The following SCHIP1 variants were observed in gnomAD, a reference collection of about 807,000 sequenced individuals.
The protein encoded by SCHIP1 is schwannomin interacting protein 1, also known as schwannomin-interacting protein 1.
In SCHIP1, 8 loss-of-function variants were observed where a neutral mutation model predicts 29.7. That is an observed-to-expected ratio of 0.27 (90% CI 0.16 to 0.49). The LOEUF is 0.49. Among genes scored for constraint, SCHIP1 ranks in the 20% least tolerant of loss-of-function variants. The pLI, the probability that SCHIP1 is intolerant of heterozygous loss-of-function variation, is 0.99. For missense variants in SCHIP1, 193 were observed against 294.6 expected, an observed-to-expected ratio of 0.66 and a Z score of 2.52; for synonymous variants, 76 against 94.9, an observed-to-expected ratio of 0.80 and a Z score of 1.16.
At chr3:159,762,399 C>T in the SCHIP1 span, among the ~76,000 whole-genome samples, 1 of 152,288 alleles carries the variant, frequency 6.6e-6, no homozygotes, top group East Asian at 1.9e-4. Flanking sequence ...GATCTCAGCA[C>T]CACATCCCAC....
the SCHIP1 span, among the ~76,000 whole-genome samples, chr3:159,568,532 TAC>T: frequency 6.6e-6 from 1 of 152,156 alleles, no homozygotes; most frequent in Non-Finnish European, 1.5e-5. Flanking sequence ...GAGATGCTCA[TAC>T]AGTCTTACTT....
the SCHIP1 span, among the ~76,000 whole-genome samples, chr3:159,402,813 G>A: frequency 6.6e-6 from 1 of 152,040 alleles, no homozygotes; most frequent in South Asian, 2.1e-4. Context: ...GATAGCATTA[G>A]GAGATATACC....
chr3:159,418,410 C>T, the SCHIP1 span, among the ~76,000 whole-genome samples: 1 of 152,188 alleles, frequency 6.6e-6, no homozygotes, highest in Non-Finnish European at 1.5e-5. Context: ...TCAAATTTTG[C>T]TAACTATTGT....
the SCHIP1 span, among the ~76,000 whole-genome samples, chr3:159,622,462 A>T: frequency 6.6e-6 from 1 of 152,200 alleles, no homozygotes; most frequent in Non-Finnish European, 1.5e-5. Context: ...GCTTTATTTC[A>T]TGGAGTAATA....
intron 1 of SCHIP1, among the ~76,000 whole-genome samples, chr3:159,847,255 G>A (rs1319771239): frequency 6.6e-6 from 1 of 152,070 alleles, no homozygotes; most frequent in Non-Finnish European, 1.5e-5. Flanking sequence ...CATACATAAC[G>A]CACAAATATA....
chr3:159,595,162 T>A, the SCHIP1 span, among the ~76,000 whole-genome samples: 1 of 152,116 alleles, frequency 6.6e-6, no homozygotes, highest in African/African-American at 2.4e-5. Flanking sequence ...CACTGCTGAT[T>A]ATATGTGCTT....
At chr3:159,381,493 A>G in the SCHIP1 span, among the ~76,000 whole-genome samples, 1 of 152,322 alleles carries the variant, frequency 6.6e-6, no homozygotes, top group South Asian at 2.1e-4. Context: ...AATCCATCCA[A>G]AAACCCTTGA....
At chr3:159,825,355 A>G in the SCHIP1 span, among the ~76,000 whole-genome samples, 2 of 152,190 alleles carry the variant, frequency 1.3e-5, no homozygotes, top group African/African-American at 4.8e-5. Context: ...ACATCTGCAG[A>G]GTGAGTGGGC....
chr3:159,316,845 G>A, the SCHIP1 span, among the ~76,000 whole-genome samples: 2 of 152,172 alleles, frequency 1.3e-5, no homozygotes, highest in East Asian at 3.8e-4. Context: ...GTATATACAT[G>A]CACAAACATG....
the SCHIP1 span, among the ~76,000 whole-genome samples, chr3:159,576,582 T>C: frequency 6.6e-6 from 1 of 152,230 alleles, no homozygotes; most frequent in Non-Finnish European, 1.5e-5. Context: ...TCCCACATTC[T>C]CTTTATTTTC....
At chr3:159,711,379 A>G in the SCHIP1 span, among the ~76,000 whole-genome samples, 1 of 147,398 alleles carries the variant, frequency 6.8e-6, no homozygotes, top group Non-Finnish European at 1.5e-5. Context: ...AAAAAAAAAA[A>G]AAAAAAAAAA....
chr3:159,675,328 GA>G, the SCHIP1 span, among the ~76,000 whole-genome samples: 2 of 152,138 alleles, frequency 1.3e-5, no homozygotes, highest in Non-Finnish European at 1.5e-5. Context: ...TGCAAATTAA[GA>G]AAAAATATAG....
chr3:159,853,985 TG>T (rs1713009779), intron 1 of SCHIP1, among the ~76,000 whole-genome samples: 1 of 152,208 alleles, frequency 6.6e-6, no homozygotes, highest in South Asian at 2.1e-4. Flanking sequence ...GGTAATGTTC[TG>T]GTAATCACAG....
the SCHIP1 span, among the ~76,000 whole-genome samples, chr3:159,554,242 A>T: frequency 6.6e-6 from 1 of 152,164 alleles, no homozygotes; most frequent in African/African-American, 2.4e-5. Context: ...TTCTGAATGA[A>T]AACTGGATGC....
At chr3:159,624,802 A>G in the SCHIP1 span, among the ~76,000 whole-genome samples, 13 of 152,272 alleles carry the variant, frequency 8.5e-5, no homozygotes, top group Non-Finnish European at 1.6e-4. Context: ...CCTTCCAACG[A>G]AAAGGTTGTG....
At chr3:159,405,874 C>A in the SCHIP1 span, among the ~76,000 whole-genome samples, 1 of 133,864 alleles carries the variant, frequency 7.5e-6, no homozygotes, top group Non-Finnish European at 1.5e-5. Context: ...TAGAGTGAGA[C>A]TCTGTCAAAA....
At chr3:159,888,890 T>C (rs775889056) in exon 5 of SCHIP1, 1 of 1,614,134 alleles carries the variant, frequency 6.2e-7, no homozygotes, top group Non-Finnish European at 8.5e-7. Context: ...CTGAGAGACA[T>C]GACTATTGGG....
At chr3:159,333,585 A>T in the SCHIP1 span, among the ~76,000 whole-genome samples, 5 of 152,174 alleles carry the variant, frequency 3.3e-5, no homozygotes, top group African/African-American at 4.8e-5. Context: ...ATCAGATACA[A>T]TACCATCCTC....
chr3:159,576,952 T>C, the SCHIP1 span, among the ~76,000 whole-genome samples: 1 of 152,214 alleles, frequency 6.6e-6, no homozygotes, highest in Non-Finnish European at 1.5e-5. Context: ...TTGCATTTTA[T>C]CAACTTATCT....
Sources: gnomAD v4.1 joint callset for allele counts (sites outside exome capture counted in the v4.1 genomes callset) on GRCh38, gnomAD v4.1.1 for gene constraint, MANE v1.5 for transcripts, NCBI Gene and HGNC (gene_info 2026-07-23, HGNC 2026-07-21) for gene names.